The following KCNC2 variants were observed in gnomAD, a reference collection of about 807,000 sequenced individuals.
The protein encoded by KCNC2 is voltage-gated potassium channel KCNC2.
A neutral mutation model predicts 44.5 loss-of-function variants in KCNC2; 21 were observed. The ratio of observed to expected loss-of-function variants is 0.47; its 90% CI spans 0.33 to 0.68. KCNC2 has a LOEUF of 0.68. Ranked by LOEUF, KCNC2 falls within the 30% of genes least tolerant of loss-of-function variation. The probability of loss-of-function intolerance (pLI) is 0.01; values close to 1 mark genes in which losing one functional copy is unlikely to be tolerated. For missense variants in KCNC2, 589 were observed against 826.2 expected, an observed-to-expected ratio of 0.71 and a Z score of 3.52; for synonymous variants, 391 against 339.1, an observed-to-expected ratio of 1.15 and a Z score of -1.68.
chr12:75,053,326 G>A (rs1471023413), intron 2 of KCNC2, among the ~76,000 whole-genome samples: 2 of 151,972 alleles, frequency 1.3e-5, no homozygotes, highest in African/African-American at 4.8e-5. Context: ...GGCATTTACA[G>A]ACTCAGAAGA....
chr12:75,125,885 G>A (rs939988216), intron 2 of KCNC2, among the ~76,000 whole-genome samples: 8 of 152,034 alleles, frequency 5.3e-5, no homozygotes, highest in African/African-American at 1.9e-4. Flanking sequence ...CTCTCACCTA[G>A]GCTCATCCAT....
In KCNC2 at chr12:75,042,323, G is replaced by T; in HGVS notation, c.*782C>A. ...GCCTTCCCCAAGTCATTAAGTAAGA[G>T]ATCTGGCCTCGGCTTGCGTGTAACC... On this transcript the variant is annotated 3_prime_UTR_variant, in exon 5 of 5. Coordinates refer to ENST00000549446, the MANE Select transcript of KCNC2 (RefSeq NM_139137.4). 1.2e-6 allele frequency: 2 copies of T among 1,611,880 alleles called. No individual in the cohort carries two copies. The highest frequency in any genetic ancestry group is 2.2e-5 in the East Asian group (1 of 44,790).
intron 2 of KCNC2, among the ~76,000 whole-genome samples, chr12:75,193,799 C>G (rs955664411): frequency 3.3e-5 from 5 of 152,104 alleles, no homozygotes; most frequent in Admixed American, 2.0e-4. Flanking sequence ...GTGTTCTGCA[C>G]AATCCTGCCA....
At chr12:75,123,670 C>A (rs1888199442) in intron 2 of KCNC2, among the ~76,000 whole-genome samples, 1 of 152,144 alleles carries the variant, frequency 6.6e-6, no homozygotes, top group Non-Finnish European at 1.5e-5. Context: ...GAGTATACCA[C>A]CACAACTGAG....
intron 2 of KCNC2, among the ~76,000 whole-genome samples, chr12:75,166,368 C>T (rs1252064214): frequency 1.3e-5 from 2 of 149,550 alleles, no homozygotes; most frequent in East Asian, 3.9e-4. Context: ...CAGTTAGTGA[C>T]TTCAATATCA....
At chr12:75,193,384 A>T (rs924210575) in intron 2 of KCNC2, among the ~76,000 whole-genome samples, 7 of 152,156 alleles carry the variant, frequency 4.6e-5, no homozygotes, top group African/African-American at 1.7e-4. Flanking sequence ...TTTTCTTCCC[A>T]AGGAAATCCG....
intron 2 of KCNC2, among the ~76,000 whole-genome samples, chr12:75,095,160 G>T (rs997529340): frequency 6.6e-6 from 1 of 151,736 alleles, no homozygotes; most frequent in Admixed American, 6.6e-5. Context: ...ATGGAGAATG[G>T]TTTACAGCTG....
intron 2 of KCNC2, among the ~76,000 whole-genome samples, chr12:75,183,440 A>G (rs184111550): frequency 4.3e-4 from 65 of 152,320 alleles, no homozygotes; most frequent in African/African-American, 1.6e-3. Flanking sequence ...AAGCACAACA[A>G]CAACAAAACA....
intron 2 of KCNC2, among the ~76,000 whole-genome samples, chr12:75,174,645 T>C (rs1297438275): frequency 6.6e-6 from 1 of 151,906 alleles, no homozygotes; most frequent in Non-Finnish European, 1.5e-5. Flanking sequence ...CAGGCTTTAC[T>C]TGGAGTTCAA....
chr12:75,151,857 A>G (rs1592978165), intron 2 of KCNC2, among the ~76,000 whole-genome samples: 1 of 148,934 alleles, frequency 6.7e-6, no homozygotes, highest in South Asian at 2.1e-4. Context: ...GAACTGGAAT[A>G]AACATCTGAG....
intron 2 of KCNC2, among the ~76,000 whole-genome samples, chr12:75,162,081 A>G (rs536165916): frequency 2.6e-5 from 4 of 151,812 alleles, no homozygotes; most frequent in South Asian, 4.2e-4. Flanking sequence ...ATAAACAAAG[A>G]CACTGTAGTC....
intron 2 of KCNC2, among the ~76,000 whole-genome samples, chr12:75,185,229 G>T (rs960246901): frequency 6.6e-6 from 1 of 152,124 alleles, no homozygotes; most frequent in African/African-American, 2.4e-5. Flanking sequence ...CTATAACAGT[G>T]ATAACGCAGG....
chr12:75,203,720 T>G (rs892785647), intron 2 of KCNC2, among the ~76,000 whole-genome samples: 4 of 151,888 alleles, frequency 2.6e-5, no homozygotes, highest in African/African-American at 9.7e-5. Flanking sequence ...AGAGCTGAAT[T>G]CAATCATCTC....
chr12:75,166,197 T>C (rs891454493), intron 2 of KCNC2, among the ~76,000 whole-genome samples: 12 of 151,114 alleles, frequency 7.9e-5, no homozygotes, highest in Non-Finnish European at 1.8e-4. Context: ...AATAAAATGA[T>C]TTATAAATTT....
intron 1 of KCNC2, among the ~76,000 whole-genome samples, chr12:75,208,776 G>C (rs1316605895): frequency 6.6e-6 from 1 of 152,084 alleles, no homozygotes; most frequent in Admixed American, 6.5e-5. Context: ...TCACCTAGGA[G>C]ACCTCTGACT....
At chr12:75,153,984 T>G (rs917655650) in intron 2 of KCNC2, among the ~76,000 whole-genome samples, 1 of 151,910 alleles carries the variant, frequency 6.6e-6, no homozygotes, top group Non-Finnish European at 1.5e-5. Flanking sequence ...TTCTGCGTAC[T>G]TATTGAAAAA....
intron 2 of KCNC2, among the ~76,000 whole-genome samples, chr12:75,128,586 C>T (rs1888608014): frequency 6.6e-6 from 1 of 152,060 alleles, no homozygotes; most frequent in South Asian, 2.1e-4. Flanking sequence ...ACAAGCCATA[C>T]CCAATCTCCT....
chr12:75,092,235 G>T, intron 2 of KCNC2, among the ~76,000 whole-genome samples: 1 of 151,600 alleles, frequency 6.6e-6, no homozygotes, highest in East Asian at 1.9e-4. Flanking sequence ...CAAAGTCAAA[G>T]CCACGTGAAA....
At chr12:75,188,370 T>C (rs558510148) in intron 2 of KCNC2, among the ~76,000 whole-genome samples, 77 of 152,292 alleles carry the variant, frequency 5.1e-4, no homozygotes, top group African/African-American at 1.7e-3. Context: ...TAAAACACAA[T>C]GTAGTGTTGT....
Sources: allele counts gnomAD v4.1 joint callset (sites outside exome capture counted in the v4.1 genomes callset), GRCh38; gene constraint gnomAD v4.1.1; transcripts MANE v1.5; gene names NCBI Gene and HGNC (gene_info 2026-07-23, HGNC 2026-07-21).